Variants in RALGPS2 observed in about 807,000 individuals in gnomAD.
RALGPS2 encodes the protein Ral GEF with PH domain and SH3 binding motif 2, also known as ras-specific guanine nucleotide-releasing factor RalGPS2.
Under a neutral mutation model 86.8 loss-of-function variants are expected in RALGPS2, and 43 were observed. The observed-to-expected ratio is 0.50, with a 90% CI of 0.39 to 0.64. RALGPS2 has a LOEUF of 0.64. Ranked by LOEUF, RALGPS2 falls within the 30% of genes least tolerant of loss-of-function variation. The pLI, the probability that RALGPS2 is intolerant of heterozygous loss-of-function variation, is 0.00. For missense variants in RALGPS2, 536 were observed against 694.6 expected (o/e 0.77, Z 2.57); for synonymous variants, 243 against 231.3 (o/e 1.05, Z -0.46).
At chr1:178,839,219 C>T (rs1656449938) in intron 8 of RALGPS2, among the ~76,000 whole-genome samples, 1 of 152,064 alleles carries the variant, frequency 6.6e-6, no homozygotes, top group Non-Finnish European at 1.5e-5. Flanking sequence ...GCCAGATTCA[C>T]CAAAGTTGAA....
chr1:178,800,917 A>G (rs144221427), intron 4 of RALGPS2, among the ~76,000 whole-genome samples: 7 of 151,794 alleles, frequency 4.6e-5, no homozygotes, highest in Non-Finnish European at 7.4e-5. Flanking sequence ...CTATGTAAAC[A>G]TATTCCCAAT....
rs397844555 is a variant in RALGPS2 at position 178,812,928 on chromosome 1, CTTT to C, written c.387+1543_387+1545del. ...TTTGTGATGATATGTTAGGTAAATA[CTTT>C]TTTTTTTTTTTTTTTTTTGGAGGTG... On this transcript the variant is annotated intron_variant, in intron 6 of 19. Transcript: ENST00000367635. Among the ~76,000 whole-genome samples the C allele has an allele frequency of 6.9e-3, 733 of 106,814 alleles. 4 individuals are homozygous for C. Among genetic ancestry groups the C allele is most frequent in the African/African-American group, 0.025 (693 of 27,414 alleles). 70.1% of individuals were successfully genotyped at this position (106,814 alleles called of 152,430 possible).
intron 1 of RALGPS2, among the ~76,000 whole-genome samples, chr1:178,775,484 G>C (rs575699132): frequency 6.6e-6 from 1 of 152,114 alleles, no homozygotes; most frequent in African/African-American, 2.4e-5. Context: ...GGATCTTAAA[G>C]TTCATTTACC....
chr1:178,893,241 T>G, intron 15 of RALGPS2, among the ~76,000 whole-genome samples: 2 of 143,322 alleles, frequency 1.4e-5, no homozygotes, highest in East Asian at 2.0e-4. Context: ...TTGGTTATTT[T>G]GTGATTTTTT....
At chr1:178,904,993 G>C (rs1479216190) in intron 18 of RALGPS2, among the ~76,000 whole-genome samples, 1 of 152,044 alleles carries the variant, frequency 6.6e-6, no homozygotes, top group African/African-American at 2.4e-5. Flanking sequence ...CATGGGATGT[G>C]TTTCCATTTA....
At chr1:178,797,062 A>T (rs937860493) in intron 4 of RALGPS2, among the ~76,000 whole-genome samples, 1 of 152,220 alleles carries the variant, frequency 6.6e-6, no homozygotes, top group South Asian at 2.1e-4. Context: ...TTTACATAGT[A>T]TACTCAAAAC....
chr1:178,825,671 T>C (rs1288226543), intron 7 of RALGPS2, among the ~76,000 whole-genome samples: 1 of 152,228 alleles, frequency 6.6e-6, no homozygotes, highest in Non-Finnish European at 1.5e-5. Context: ...TTCTCTTGTT[T>C]AATATGGTAG....
intron 1 of RALGPS2, among the ~76,000 whole-genome samples, chr1:178,732,107 G>A (rs759206515): frequency 4.0e-5 from 6 of 151,000 alleles, no homozygotes; most frequent in African/African-American, 1.5e-4. Context: ...GTGTATAGAG[G>A]CCAAGCTCAT....
intron 18 of RALGPS2, among the ~76,000 whole-genome samples, chr1:178,905,387 G>A (rs949963638): frequency 1.8e-4 from 28 of 152,184 alleles, no homozygotes; most frequent in South Asian, 6.2e-4. Context: ...GGTTTTTTGC[G>A]GGGGAGGGGT....
intron 4 of RALGPS2, among the ~76,000 whole-genome samples, chr1:178,800,519 T>C (rs1214028129): frequency 7.1e-6 from 1 of 141,474 alleles, no homozygotes; most frequent in Non-Finnish European, 1.6e-5. Flanking sequence ...GTAAATTCTC[T>C]TCCTTATGAT....
chr1:178,855,795 A>G (rs1657494781), intron 8 of RALGPS2, among the ~76,000 whole-genome samples: 1 of 151,700 alleles, frequency 6.6e-6, no homozygotes, highest in East Asian at 1.9e-4. Context: ...GATTTTTTCA[A>G]AGGCTTTTAA....
At chr1:178,837,799 G>A (rs1387059279) in intron 8 of RALGPS2, among the ~76,000 whole-genome samples, 1 of 152,170 alleles carries the variant, frequency 6.6e-6, no homozygotes, top group African/African-American at 2.4e-5. Flanking sequence ...TGTGACAGAA[G>A]GCACCTGGAA....
Position 178,885,271 on chromosome 1 carries a change from C to T in RALGPS2, c.1040+60C>T, listed in dbSNP as rs1430029036. ...AGTCTTTTGTAATTGGATTTATTGT[C>T]GATTTATTAGTTCAGTAGAAAATGG... On this transcript the variant is annotated intron_variant, in intron 12 of 19. Coordinates refer to ENST00000367635, the MANE Select transcript of RALGPS2 (RefSeq NM_152663.5). The T allele has an allele frequency of 5.3e-6, 8 of 1,501,704 alleles. No individual in the cohort carries two copies. In the Admixed American group the frequency reaches 9.7e-5, roughly 18 times the overall value. 93.0% of individuals were successfully genotyped at this position (1,501,704 alleles called of 1,614,324 possible).
rs1268284430 is a variant in RALGPS2, at chr1:178,821,665, A to G, written c.441A>G (p.Leu147=). 1 of 1,613,640 alleles carries G rather than the reference A, an allele frequency of 6.2e-7. No individual in the cohort carries two copies. Among genetic ancestry groups the G allele is most frequent in the Non-Finnish European group, 8.5e-7 (1 of 1,179,764 alleles). ...LHALMAVVSG[L]QSAPIFRLTK... ...CACTTATGGCAGTGGTTTCTGGCCT[A>G]CAGAGTGCCCCAATTTTCAGGTTGA... Residue 147 remains leucine (L), a synonymous_variant, in exon 7 of 20, where the codon CTA becomes CTG. Coordinates refer to ENST00000367635, the MANE Select transcript of RALGPS2 (RefSeq NM_152663.5).
chr1:178,910,124 T>G (rs1660566947), intron 19 of RALGPS2, among the ~76,000 whole-genome samples: 1 of 152,226 alleles, frequency 6.6e-6, no homozygotes, highest in Non-Finnish European at 1.5e-5. Flanking sequence ...ATCCTGAGAC[T>G]TTGCTGAAGT....
At chr1:178,840,775 A>C (rs550170702) in intron 8 of RALGPS2, among the ~76,000 whole-genome samples, 1 of 152,242 alleles carries the variant, frequency 6.6e-6, no homozygotes, top group African/African-American at 2.4e-5. Context: ...AATAAAGAAA[A>C]GGGAGGAATC....
At chr1:178,901,215 A>G (rs1660163073) in intron 17 of RALGPS2, among the ~76,000 whole-genome samples, 3 of 152,100 alleles carry the variant, frequency 2.0e-5, no homozygotes, top group Admixed American at 2.0e-4. Flanking sequence ...TAAAATGAAC[A>G]CCTGTATACT....
intron 8 of RALGPS2, among the ~76,000 whole-genome samples, chr1:178,868,353 TATTTA>T (rs1658546340): frequency 6.6e-6 from 1 of 151,968 alleles, no homozygotes; most frequent in Non-Finnish European, 1.5e-5. Context: ...TTTTCCTATA[TATTTA>T]ATTTAACTTA....
At chr1:178,751,402 TAGG>T (rs1412147734) in intron 1 of RALGPS2, among the ~76,000 whole-genome samples, 1 of 152,070 alleles carries the variant, frequency 6.6e-6, no homozygotes, top group Non-Finnish European at 1.5e-5. Context: ...ATGAAACAAA[TAGG>T]GACACCTTTT....
Sources: gnomAD v4.1 joint callset for allele counts (sites outside exome capture counted in the v4.1 genomes callset) on GRCh38, gnomAD v4.1.1 for gene constraint, MANE v1.5 for transcripts, NCBI Gene and HGNC (gene_info 2026-07-23, HGNC 2026-07-21) for gene names.